ANPEP: variants seen among roughly 807,000 people sequenced by gnomAD.
The protein encoded by ANPEP is alanyl aminopeptidase, membrane.
ANPEP carries 70 observed loss-of-function variants against 114.6 expected under a neutral mutation model. The observed-to-expected ratio is 0.61, with a 90% CI of 0.50 to 0.75. ANPEP has a LOEUF of 0.75. Among genes scored for constraint, ANPEP ranks in the 30% least tolerant of loss-of-function variants. ANPEP has a pLI of 0.00. For synonymous variants in ANPEP, 548 were observed against 522.3 expected (o/e 1.05, Z -0.67); for missense variants, 1,184 against 1,259.5 (o/e 0.94, Z 0.91).
At chr15:89,786,295 C>T (rs774106296) in intron 20 of ANPEP, among the ~76,000 whole-genome samples, 17 of 151,708 alleles carry the variant, frequency 1.1e-4, no homozygotes, top group Non-Finnish European at 2.1e-4. Context: ...CCAAATAAAT[C>T]TGTGTCCATG....
intron 10 of ANPEP, 112 bp from the exon 11 acceptor site, chr15:89,801,719 G>T: frequency 7.8e-7 from 1 of 1,278,522 alleles, no homozygotes; most frequent in Non-Finnish European, 1.1e-6. Flanking sequence ...TGTATGGGAG[G>T]CCTGGGAAGG....
Position 89,806,863 on chromosome 15 carries a change from G to A in ANPEP, c.-223-57C>T, listed in dbSNP as rs1567162506. 3 of 422,520 alleles carry A rather than the reference G, an allele frequency of 7.1e-6. No individual in the cohort carries two copies. The highest frequency in any genetic ancestry group is 8.2e-5 in the East Asian group (2 of 24,402). The allele number at this position is 422,520 out of a possible 1,614,324, so 26.2% of individuals were successfully genotyped here. ...CTGCAGGCGGCCTGGGATCAGGCCC[G>A]AGGGCTGAAGGGCAGGCTTCCGGCT... On this transcript the variant is annotated intron_variant, in intron 1 of 20. Coordinates refer to ENST00000300060, the MANE Select transcript of ANPEP (RefSeq NM_001150.3). The surrounding 1 kb of genome is among the most constrained non-coding windows in gnomAD (Gnocchi z 5.7).
intron 20 of ANPEP, among the ~76,000 whole-genome samples, 153 bp from the exon 21 acceptor site, chr15:89,785,654 T>C (rs1968495066): frequency 3.9e-5 from 6 of 152,202 alleles, no homozygotes; most frequent in Admixed American, 2.6e-4. Context: ...TCCACCTTGC[T>C]CCCGGGCAAA....
Position 89,803,127 on chromosome 15 carries a change from G to A in ANPEP, c.1569+112C>T, listed in dbSNP as rs935487719. On this transcript the variant is annotated intron_variant, in intron 10 of 20. Transcript: ENST00000300060. The surrounding 1 kb of genome is among the most constrained non-coding windows in gnomAD (Gnocchi z 4.2). ...ACAGAGGCTCCATCCACCCTGCAGG[G>A]CTGGTCAGCCGCGGAGCTGGACCCA... is the stretch of plus-strand genomic sequence containing the variant. The A allele has an allele frequency of 1.6e-6, 2 of 1,227,054 alleles. No individual in the cohort carries two copies. The highest frequency in any genetic ancestry group is 3.4e-5 in the Admixed American group (2 of 58,622). The allele number at this position is 1,227,054 out of a possible 1,614,324, so 76.0% of individuals were successfully genotyped here. A position where few individuals can be genotyped will look rare whatever the true frequency, so the allele number is the denominator to read the frequency against.
In ANPEP at chr15:89,797,719, G is replaced by C. The variant is rs150492701; in HGVS notation, c.2013C>G (p.Ala671=). 13,044 of 1,614,004 alleles carry C rather than the reference G, an allele frequency of 8.1e-3. 72 individuals carry two copies. Among genetic ancestry groups the C allele is most frequent in the Middle Eastern group, 0.012 (75 of 6,056 alleles). The change falls in exon 15 of 21, where the codon GCC becomes GCG. Residue 671 remains alanine, a synonymous_variant. Transcript: ENST00000300060. Reference sequence around the variant, plus strand: ...GCGCCAGAGTGACAGGGACCTTATGGGCACTGGGAATAAACAGAGGGGCCC... The same window carrying C: ...GCGCCAGAGTGACAGGGACCTTATGCGCACTGGGAATAAACAGAGGGGCCC... ...IINDAFNLAS[A]HKVPVTLALN...
chr15:89,791,171 C>T, intron 18 of ANPEP, 78 bp from the exon 19 acceptor site: 1 of 1,512,460 alleles, frequency 6.6e-7, no homozygotes, highest in Non-Finnish European at 9.0e-7. Context: ...CCACGCACAT[C>T]ACCTATGCCT....
chr15:89,806,488 C>G lies in ANPEP; in HGVS notation c.96G>C (p.Val32=). The G allele has an allele frequency of 6.2e-7, 1 of 1,614,074 alleles. No individual in the cohort carries two copies. The highest frequency in any genetic ancestry group is 8.5e-7 in the Non-Finnish European group (1 of 1,179,970). Residue 32 remains valine, a synonymous_variant, in exon 2 of 21, where the codon GTG becomes GTC. Transcript: ENST00000300060. This position sits in a 1 kb window ranked among gnomAD's most constrained non-coding sequence, Gnocchi z 5.7. Reference sequence around the variant, plus strand: ...CGTTCTTGTTCTTCTCCTGGGAGTACACCACTGACAGTGCGATGATTGTGC... The same window carrying G: ...CGTTCTTGTTCTTCTCCTGGGAGTAGACCACTGACAGTGCGATGATTGTGC... ...AVCTIIALSV[V]YSQEKNKNAN... is the part of the protein sequence containing the mutation.
chr15:89,794,653 C>G (rs1303831214), intron 15 of ANPEP, among the ~76,000 whole-genome samples: 2 of 97,694 alleles, frequency 2.0e-5, no homozygotes, highest in Non-Finnish European at 4.0e-5. Flanking sequence ...CACCCCTCAC[C>G]ACCCCATGAG....
chr15:89,790,349 C>T, intron 20 of ANPEP, 111 bp downstream of exon 20: 1 of 902,162 alleles, frequency 1.1e-6, no homozygotes, highest in South Asian at 1.4e-5. Context: ...TGAGGAAGGC[C>T]TGGCGGCGTG....
chr15:89,804,615 G>C lies in ANPEP; in HGVS notation c.900C>G (p.Ile300Met). The change falls in exon 5 of 21, where the codon ATC becomes ATG. Residue 300 changes from isoleucine (I) to methionine (M), a missense_variant and splice_region_variant. By Grantham distance (10) the Ile-to-Met change is conservative. Coordinates refer to ENST00000300060, the MANE Select transcript of ANPEP (RefSeq NM_001150.3). ...TGGCACTGGGCCGGGCCCAGATCCG[G>C]ATCTGCAAGGTGTGAGGAAGAAGCA... ...VEKQASNGVL[I>M]RIWARPSAIA... 2 of 1,613,560 alleles carry C rather than the reference G, an allele frequency of 1.2e-6. No individual in the cohort carries two copies. Among genetic ancestry groups the C allele is most frequent in the African/African-American group, 1.3e-5 (1 of 75,068 alleles).
In ANPEP at chr15:89,801,536, C is replaced by A; in HGVS notation, c.1641G>T (p.Met547Ile). The A allele has an allele frequency of 6.2e-7, 1 of 1,614,196 alleles. No individual in the cohort carries two copies. The change falls in exon 11 of 21, where the codon ATG becomes ATT. Residue 547 changes from methionine (M) to isoleucine (I), a missense_variant. Physicochemically the swap from Met to Ile is conservative, Grantham distance 10 (BLOSUM62 1). Transcript: ENST00000300060. ...TATCCACCGTGATGACCGGGAAGCC[C>A]ATCTGCAGGGTCCAGCGGTTCATGA... The part of the protein sequence containing the change: ...RDIMNRWTLQ[M>I]GFPVITVDTS...
At chr15:89,788,171 A>G (rs183520690) in intron 20 of ANPEP, among the ~76,000 whole-genome samples, 1 of 152,360 alleles carries the variant, frequency 6.6e-6, no homozygotes, top group East Asian at 1.9e-4. Context: ...TTTGTACAAA[A>G]TTTGCACGTG....
intron 15 of ANPEP, 70 bp from the exon 16 acceptor site, chr15:89,793,196 T>A (rs1467831223): frequency 7.1e-7 from 1 of 1,408,896 alleles, no homozygotes; most frequent in Non-Finnish European, 1.0e-6. Context: ...ACAGAGCCTC[T>A]GATGTTGGGG....
At chr15:89,787,587 A>C (rs1968531471) in intron 20 of ANPEP, among the ~76,000 whole-genome samples, 1 of 152,228 alleles carries the variant, frequency 6.6e-6, no homozygotes, top group African/African-American at 2.4e-5. Flanking sequence ...GAATGGGAGA[A>C]ATACTTGCAA....
chr15:89,797,287 C>T (rs888846737), intron 15 of ANPEP, among the ~76,000 whole-genome samples: 11 of 152,232 alleles, frequency 7.2e-5, no homozygotes, highest in African/African-American at 1.9e-4. Context: ...AATCAACAAA[C>T]GTTGCTGAAG....
At chr15:89,800,523 G>GCA (rs1237709811) in intron 12 of ANPEP, among the ~76,000 whole-genome samples, 8 of 151,070 alleles carry the variant, frequency 5.3e-5, no homozygotes, top group Non-Finnish European at 2.9e-5. Flanking sequence ...CATGTGCCAG[G>GCA]CACTACTTTA....
intron 1 of ANPEP, among the ~76,000 whole-genome samples, chr15:89,807,501 C>T (rs1894739028): frequency 6.6e-6 from 1 of 152,086 alleles, no homozygotes; most frequent in South Asian, 2.1e-4. Flanking sequence ...GAGTTCAAGA[C>T]CAGCCTGGCC....
Position 89,785,094 on chromosome 15 carries a change from G to T in ANPEP, c.*255C>A. ...GGGCTTCCCTGAGATCAGCCCCAGG[G>T]CACTGGGCGACAGGTGCCATGCCAG... On this transcript the variant is annotated 3_prime_UTR_variant, in exon 21 of 21. Coordinates refer to ENST00000300060, the MANE Select transcript of ANPEP (RefSeq NM_001150.3). 2.1e-6 allele frequency: 1 copy of T among 470,194 alleles called. No individual in the cohort carries two copies. The allele number at this position is 470,194 out of a possible 1,614,324, so 29.1% of individuals were successfully genotyped here. A position where few individuals can be genotyped will look rare whatever the true frequency, so the allele number is the denominator to read the frequency against.
intron 4 of ANPEP, 27 bp from the exon 5 acceptor site, chr15:89,804,644 C>A: frequency 6.2e-7 from 1 of 1,607,964 alleles, no homozygotes; most frequent in Non-Finnish European, 8.5e-7. Context: ...AGAAGCAGAC[C>A]AGGGGCTCCT....
Sources: allele counts gnomAD v4.1 joint callset (sites outside exome capture counted in the v4.1 genomes callset), GRCh38; gene constraint gnomAD v4.1.1; non-coding constraint Gnocchi (gnomAD v3.1); transcripts MANE v1.5; gene names NCBI Gene and HGNC (gene_info 2026-07-23, HGNC 2026-07-21).